The following VPS54 variants were observed in gnomAD, a reference collection of about 807,000 sequenced individuals.
VPS54 encodes VPS54 subunit of GARP complex, also known as vacuolar protein sorting-associated protein 54.
Under a neutral mutation model 121.5 loss-of-function variants are expected in VPS54, and 45 were observed. That is an observed-to-expected ratio of 0.37 (90% CI 0.29 to 0.47). The LOEUF is 0.47. Ranked by LOEUF, VPS54 falls within the 20% of genes least tolerant of loss-of-function variation. The pLI is 0.99. For missense variants in VPS54, 1,090 were observed against 1,131.4 expected (o/e 0.96, Z 0.52); for synonymous variants, 371 against 385.8 (o/e 0.96, Z 0.45).
rs1675794736 is a variant in VPS54 at position 63,962,064 on chromosome 2, C to T, written c.1004G>A (p.Ser335Asn). 7.1e-6 allele frequency: 11 copies of T among 1,559,384 alleles called. No individual in the cohort carries two copies. The highest frequency in any genetic ancestry group is 9.6e-6 in the Non-Finnish European group (11 of 1,146,944). Residue 335 changes from serine to asparagine, a missense_variant, in exon 7 of 23, where the codon AGT (serine) becomes AAT (asparagine). By Grantham distance (46) the Ser-to-Asn change is conservative. Around this residue, in one of 2 missense-constraint regions of VPS54, gnomAD observed 801 missense variants for 757.0 expected, o/e 1.06. Transcript: ENST00000272322. Reference protein sequence around the residue: ...VLQQELQGIHSFRHLGSQLCE... With the variant: ...VLQQELQGIHNFRHLGSQLCE... ...GCTTACTTAATGAACATACCGGAAA[C>T]TGTGAATGCCCTGAAGTTCCTGCTG... is the stretch of plus-strand genomic sequence containing the variant.
intron 7 of VPS54, among the ~76,000 whole-genome samples, chr2:63,953,884 G>A (rs1223874086): frequency 1.3e-5 from 2 of 152,108 alleles, no homozygotes; most frequent in South Asian, 2.1e-4. Context: ...GATTACTAAT[G>A]ACACTAACAT....
chr2:63,903,575 TCA>T (rs1261167424), intron 20 of VPS54, among the ~76,000 whole-genome samples: 8 of 152,130 alleles, frequency 5.3e-5, no homozygotes, highest in Non-Finnish European at 8.8e-5. Flanking sequence ...TGGCAAGGTA[TCA>T]CAGGTTTTAT....
At chr2:63,947,750 T>A (rs1006682706) in intron 8 of VPS54, among the ~76,000 whole-genome samples, 8 of 152,174 alleles carry the variant, frequency 5.3e-5, no homozygotes, top group African/African-American at 1.4e-4. Flanking sequence ...AAGGGTATTT[T>A]TTGTTCTAGT....
chr2:63,999,898 T>C (rs1458808010), intron 1 of VPS54, among the ~76,000 whole-genome samples: 2 of 152,092 alleles, frequency 1.3e-5, no homozygotes, highest in African/African-American at 4.8e-5. Flanking sequence ...TCTCGCCCTG[T>C]CACCCAGACT....
chr2:63,895,221 C>T (rs139922259), intron 22 of VPS54, among the ~76,000 whole-genome samples: 3 of 152,058 alleles, frequency 2.0e-5, no homozygotes, highest in African/African-American at 4.8e-5. Flanking sequence ...TTTGGGAGGC[C>T]GAGGCAGGCA....
At chr2:63,901,308 T>C (rs1189082191) in intron 20 of VPS54, among the ~76,000 whole-genome samples, 2 of 152,168 alleles carry the variant, frequency 1.3e-5, no homozygotes, top group African/African-American at 4.8e-5. Flanking sequence ...ACACAGGAAC[T>C]GTCTCACTTT....
intron 9 of VPS54, among the ~76,000 whole-genome samples, chr2:63,945,199 T>G (rs1191460831): frequency 1.3e-5 from 2 of 152,176 alleles, no homozygotes; most frequent in African/African-American, 2.4e-5. Flanking sequence ...CATGGAATAC[T>G]ATGCAGCCAT....
chr2:63,970,212 T>TAC (rs150635007), intron 4 of VPS54, among the ~76,000 whole-genome samples: 9,743 of 113,528 alleles, frequency 0.086, 996 homozygotes, highest in African/African-American at 0.21. Context: ...AATATATATA[T>TAC]ACACACACAC....
chr2:63,914,197 C>T lies in VPS54; in HGVS notation c.2319G>A (p.Leu773=), dbSNP rs187145262. 1 of 1,612,926 alleles carries T rather than the reference C, an allele frequency of 6.2e-7. No individual in the cohort carries two copies. The highest frequency in any genetic ancestry group is 1.7e-5 in the Admixed American group (1 of 59,772). ...PSVTTDMLTR[L]SDLLKYFNSR... Reference sequence around the variant, plus strand: ...TCATACATACCTTCAATAAATCTGACAGACGAGTAAGCATGTCAGTAGTAA... The same window carrying T: ...TCATACATACCTTCAATAAATCTGATAGACGAGTAAGCATGTCAGTAGTAA... Residue 773 remains leucine (L), a synonymous_variant, in exon 17 of 23, where the codon CTG becomes CTA. Transcript: ENST00000272322.
intron 9 of VPS54, among the ~76,000 whole-genome samples, chr2:63,944,861 T>A (rs1231348708): frequency 6.6e-6 from 1 of 152,078 alleles, no homozygotes; most frequent in East Asian, 1.9e-4. Flanking sequence ...CAAGTAAGAA[T>A]GGCTATTACT....
intron 1 of VPS54, among the ~76,000 whole-genome samples, chr2:64,005,777 GA>G (rs147825415): frequency 0.012 from 1,871 of 152,234 alleles, 16 homozygotes; most frequent in Non-Finnish European, 0.014. Context: ...CTGAGTTAGG[GA>G]ATAAGTTAAA....
chr2:63,898,930 T>C (rs190395333), intron 21 of VPS54, among the ~76,000 whole-genome samples: 4 of 152,290 alleles, frequency 2.6e-5, no homozygotes, highest in Admixed American at 2.0e-4. Flanking sequence ...ACAGTAGCGA[T>C]AGAAGGGTGG....
At chr2:63,968,296 G>T (rs1162757018) in intron 5 of VPS54, among the ~76,000 whole-genome samples, 2 of 151,628 alleles carry the variant, frequency 1.3e-5, no homozygotes, top group African/African-American at 4.9e-5. Context: ...TTAATGGAAA[G>T]ATTTTAAAAT....
At chr2:63,976,823 C>CTTTTT (rs1481086180) in intron 3 of VPS54, among the ~76,000 whole-genome samples, 4 of 68,040 alleles carry the variant, frequency 5.9e-5, no homozygotes, top group Non-Finnish European at 8.7e-5. Context: ...CTTATATCTT[C>CTTTTT]TCTTTTTTTT....
chr2:63,985,953 G>T (rs1316949881), intron 1 of VPS54, among the ~76,000 whole-genome samples: 1 of 152,066 alleles, frequency 6.6e-6, no homozygotes, highest in East Asian at 1.9e-4. Flanking sequence ...CTTATCTAAA[G>T]GGTAAGAAAC....
chr2:63,945,395 T>C (rs1373087094), intron 9 of VPS54, among the ~76,000 whole-genome samples: 2 of 151,466 alleles, frequency 1.3e-5, no homozygotes, highest in Non-Finnish European at 2.9e-5. Context: ...TATTGGAGAG[T>C]GGAGGGTGGG....
intron 2 of VPS54, among the ~76,000 whole-genome samples, chr2:63,982,499 A>G (rs1406339244): frequency 1.3e-5 from 2 of 152,186 alleles, no homozygotes; most frequent in Non-Finnish European, 2.9e-5. Flanking sequence ...GGTTCCTGCG[A>G]GCCTTTGGTC....
intron 1 of VPS54, among the ~76,000 whole-genome samples, chr2:64,009,243 G>GA (rs1335458780): frequency 7.9e-5 from 12 of 152,066 alleles, no homozygotes; most frequent in Non-Finnish European, 1.3e-4. Flanking sequence ...TTGAATGATA[G>GA]AAATAATTAA....
chr2:63,920,120 T>A, intron 14 of VPS54, 125 bp from the exon 15 acceptor site: 1 of 694,092 alleles, frequency 1.4e-6, no homozygotes, highest in Non-Finnish European at 2.3e-6. Flanking sequence ...AACACTTTAA[T>A]AAGCAGGACC....
Sources: allele counts gnomAD v4.1 joint callset (sites outside exome capture counted in the v4.1 genomes callset), GRCh38; gene constraint gnomAD v4.1.1; regional missense constraint gnomAD v4.1.1; transcripts MANE v1.5; gene names NCBI Gene and HGNC (gene_info 2026-07-23, HGNC 2026-07-21).